Variants in ECPAS observed in about 807,000 individuals in gnomAD.
ECPAS encodes the protein proteasome adapter and scaffold protein ECM29.
ECPAS carries 70 observed loss-of-function variants against 255.1 expected under a neutral mutation model. The observed-to-expected ratio is 0.27, with a 90% CI of 0.23 to 0.33. The LOEUF (loss-of-function observed/expected upper bound fraction) is 0.33, where lower values mean the gene tolerates loss of function less well. Ranked by LOEUF, ECPAS falls within the 10% of genes least tolerant of loss-of-function variation. The pLI is 1.00. For synonymous variants in ECPAS, 784 were observed against 775.0 expected, an observed-to-expected ratio of 1.01 and a Z score of -0.19; for missense variants, 1,817 against 2,206.4, an observed-to-expected ratio of 0.82 and a Z score of 3.54.
intron 30 of ECPAS, 87 bp downstream of exon 30, chr9:111,389,897 A>G: frequency 8.8e-7 from 1 of 1,137,456 alleles, no homozygotes; most frequent in Non-Finnish European, 1.3e-6. Context: ...CACAAAATGC[A>G]CTACATACCA....
At chr9:111,365,960 C>T in intron 48 of ECPAS, 2 of 430,222 alleles carry the variant, frequency 4.6e-6, no homozygotes, top group Non-Finnish European at 8.4e-6. Context: ...ATTACATGTA[C>T]TGTCGTTGCA....
At chr9:111,435,630 C>T (rs1312889983) in intron 7 of ECPAS, among the ~76,000 whole-genome samples, 1 of 151,278 alleles carries the variant, frequency 6.6e-6, no homozygotes, top group Admixed American at 6.6e-5. Flanking sequence ...GTACCCGGTA[C>T]GGTGCCTGTC....
rs1442662245 is a variant in ECPAS, at chr9:111,442,293, G to A, written c.389+13C>T. The A allele has an allele frequency of 1.3e-6, 2 of 1,525,684 alleles. No homozygotes were observed. Among genetic ancestry groups the A allele is most frequent in the South Asian group, 1.2e-5 (1 of 85,054 alleles). 94.5% of individuals were successfully genotyped at this position (1,525,684 alleles called of 1,614,324 possible). A position where few individuals can be genotyped will look rare whatever the true frequency, so the allele number is the denominator to read the frequency against. On this transcript the variant is annotated intron_variant, in intron 5 of 49. Transcript: ENST00000684092. ...CCTGTAGGAGGGAAATTAGTTAATT[G>A]AGGAAATCATACCTATCCTGCTGTG...
intron 2 of ECPAS, among the ~76,000 whole-genome samples, chr9:111,455,866 C>A (rs927493449): frequency 2.0e-5 from 3 of 152,216 alleles, no homozygotes; most frequent in Admixed American, 2.0e-4. Context: ...CCAGATTTCA[C>A]TCACATGACT....
At chr9:111,384,058 G>T (rs758492154) in intron 34 of ECPAS, among the ~76,000 whole-genome samples, 5 of 152,156 alleles carry the variant, frequency 3.3e-5, no homozygotes, top group Admixed American at 2.6e-4. Context: ...GAAAACACCT[G>T]TATTTAAAAC....
At position 111,416,492 on chromosome 9, in the gene ECPAS, T is replaced by C; in HGVS notation, c.1684-140A>G. On this transcript the variant is annotated intron_variant, in intron 17 of 49. Transcript: ENST00000684092. Reference sequence around the variant, plus strand: ...TCTGATCAAACATTTTCCACTTTCCTATTAACCATGCTGATCGTGCATGTC... The same window carrying C: ...TCTGATCAAACATTTTCCACTTTCCCATTAACCATGCTGATCGTGCATGTC... The C allele has an allele frequency of 7.7e-6, 5 of 648,486 alleles. No homozygotes were observed. In the South Asian group the frequency reaches 9.1e-5, roughly 12 times the overall value. The allele number at this position is 648,486 out of a possible 1,614,324, so 40.2% of individuals were successfully genotyped here.
intron 9 of ECPAS, among the ~76,000 whole-genome samples, chr9:111,428,971 C>T (rs1309294207): frequency 6.6e-6 from 1 of 152,128 alleles, no homozygotes; most frequent in African/African-American, 2.4e-5. Flanking sequence ...GCTCATATCA[C>T]CTGTGTTCTA....
chr9:111,385,544 G>A, intron 32 of ECPAS, 102 bp from the exon 33 acceptor site: 2 of 715,714 alleles, frequency 2.8e-6, no homozygotes, highest in Non-Finnish European at 4.8e-6. Context: ...TCTAATTCGA[G>A]TTCTCATCCC....
chr9:111,465,954 A>G (rs2132044817), intron 2 of ECPAS, among the ~76,000 whole-genome samples: 1 of 152,112 alleles, frequency 6.6e-6, no homozygotes, highest in East Asian at 1.9e-4. Flanking sequence ...AAATCGCTTC[A>G]GCTCAGGAGG....
At position 111,376,425 on chromosome 9, in the gene ECPAS, A is replaced by G. The variant is rs368647333; in HGVS notation, c.4020+51T>C. 31 of 1,409,594 alleles carry G rather than the reference A, an allele frequency of 2.2e-5. No homozygotes were observed. In the African/African-American group the frequency reaches 3.8e-4, roughly 17 times the overall value. 87.3% of individuals were successfully genotyped at this position (1,409,594 alleles called of 1,614,324 possible). On this transcript the variant is annotated intron_variant, in intron 37 of 49. Transcript: ENST00000684092. Reference sequence around the variant, plus strand: ...CATAGCCTGAAGACTTTGAAGAATTACACTTTCAGGTAAGCAAACAAACCC... The same window carrying G: ...CATAGCCTGAAGACTTTGAAGAATTGCACTTTCAGGTAAGCAAACAAACCC...
intron 37 of ECPAS, among the ~76,000 whole-genome samples, chr9:111,375,775 C>G (rs1172156169): frequency 6.6e-6 from 1 of 152,144 alleles, no homozygotes; most frequent in Non-Finnish European, 1.5e-5. Context: ...TGGTAATACT[C>G]CCCCAGCAGG....
intron 24 of ECPAS, 42 bp downstream of exon 24, chr9:111,408,529 C>A: frequency 8.0e-7 from 1 of 1,250,618 alleles, no homozygotes; most frequent in Non-Finnish European, 1.1e-6. Context: ...AGACCAATGC[C>A]TTTTCTCTGA....
intron 33 of ECPAS, 65 bp downstream of exon 33, chr9:111,385,270 CAT>C (rs2098146351): frequency 1.2e-6 from 1 of 824,446 alleles, no homozygotes; most frequent in Non-Finnish European, 1.9e-6. Flanking sequence ...ACATACACAA[CAT>C]AAATATTTTA....
intron 22 of ECPAS, 72 bp from the exon 23 acceptor site, chr9:111,410,285 C>A: frequency 7.5e-7 from 1 of 1,326,292 alleles, no homozygotes; most frequent in Non-Finnish European, 1.0e-6. Flanking sequence ...CAGTGATGTA[C>A]TCAAGGTTTT....
rs534650620 is a variant in ECPAS, at chr9:111,371,097, C to T, written c.4738-332G>A. 6.6e-5 allele frequency among the ~76,000 whole-genome samples: 10 copies of T among 152,284 alleles called. No individual in the cohort carries two copies. The South Asian group carries it at 1.0e-3, about 16-fold the overall frequency. Reference sequence around the variant, plus strand: ...TCATTCCTGCATGGGCCACTATTGACCTTTACAACATAAAGATCATTAGGT... The same window carrying T: ...TCATTCCTGCATGGGCCACTATTGATCTTTACAACATAAAGATCATTAGGT... On this transcript the variant is annotated intron_variant, in intron 43 of 49. Coordinates refer to ENST00000684092, the MANE Select transcript of ECPAS (RefSeq NM_001364929.1).
At chr9:111,456,938 G>C (rs936383178) in intron 2 of ECPAS, among the ~76,000 whole-genome samples, 3 of 152,186 alleles carry the variant, frequency 2.0e-5, no homozygotes, top group Non-Finnish European at 4.4e-5. Flanking sequence ...CAGACTGTTT[G>C]CGAACAACAG....
chr9:111,409,152 C>T (rs541642134), intron 23 of ECPAS, among the ~76,000 whole-genome samples: 3 of 152,176 alleles, frequency 2.0e-5, no homozygotes, highest in South Asian at 2.1e-4. Flanking sequence ...ACATACTCTC[C>T]GGCACATTAG....
At chr9:111,380,483 T>C (rs1256392322) in intron 35 of ECPAS, among the ~76,000 whole-genome samples, 2 of 152,238 alleles carry the variant, frequency 1.3e-5, no homozygotes, top group African/African-American at 2.4e-5. Context: ...AGAGCAGATT[T>C]AGCAGAATTC....
rs191902178 is a variant in ECPAS at position 111,410,274 on chromosome 9, C to T, written c.2378-61G>A. 4,227 of 1,412,592 alleles carry T rather than the reference C, an allele frequency of 3.0e-3. 29 individuals are homozygous for T. The highest frequency in any genetic ancestry group is 3.7e-3 in the Admixed American group (158 of 42,292). 87.5% of individuals were successfully genotyped at this position (1,412,592 alleles called of 1,614,324 possible). On this transcript the variant is annotated intron_variant, in intron 22 of 49. Transcript: ENST00000684092. ...CCATTATCCTTACGACCCAAAGCAACCAGTGATGTACTCAAGGTTTTTTTT... is the reference window on the plus strand; with the variant it reads ...CCATTATCCTTACGACCCAAAGCAATCAGTGATGTACTCAAGGTTTTTTTT...
Sources: gnomAD v4.1 joint callset for allele counts (sites outside exome capture counted in the v4.1 genomes callset) on GRCh38, gnomAD v4.1.1 for gene constraint, MANE v1.5 for transcripts, NCBI Gene and HGNC (gene_info 2026-07-23, HGNC 2026-07-21) for gene names.